TNRC6C: variants seen among roughly 807,000 people sequenced by gnomAD.
TNRC6C encodes the protein trinucleotide repeat containing adaptor 6C, also known as trinucleotide repeat-containing gene 6C protein.
A neutral mutation model predicts 153.7 loss-of-function variants in TNRC6C; 20 were observed. The observed-to-expected ratio is 0.13, with a 90% confidence interval of 0.09 to 0.19. TNRC6C has a LOEUF of 0.19. Among genes scored for constraint, TNRC6C ranks in the 10% least tolerant of loss-of-function variants. The pLI is 1.00. For synonymous variants in TNRC6C, 811 were observed against 841.4 expected, an observed-to-expected ratio of 0.96 and a Z score of 0.63; for missense variants, 1,987 against 2,172.0, an observed-to-expected ratio of 0.91 and a Z score of 1.69.
intron 11 of TNRC6C, among the ~76,000 whole-genome samples, chr17:78,084,643 G>A (rs1261242368): frequency 1.4e-5 from 2 of 140,306 alleles, no homozygotes. Context: ...TTTTTGAGAC[G>A]GCGTCTTGCT....
chr17:78,077,426 A>C, intron 9 of TNRC6C, 92 bp downstream of exon 11: 1 of 1,455,326 alleles, frequency 6.9e-7, no homozygotes, highest in Non-Finnish European at 9.3e-7. Context: ...ATTTATAGTT[A>C]ATACCTCTAT....
At chr17:78,092,663 T>C (rs1245444937) in intron 14 of TNRC6C, among the ~76,000 whole-genome samples, 1 of 152,120 alleles carries the variant, frequency 6.6e-6, no homozygotes, top group African/African-American at 2.4e-5. Context: ...GAGGATCGCT[T>C]GAGCCCAGGA....
intron 1 of TNRC6C, among the ~76,000 whole-genome samples, chr17:77,967,684 G>A (rs140555942): frequency 7.2e-5 from 11 of 152,280 alleles, no homozygotes; most frequent in Non-Finnish European, 1.2e-4. Context: ...AATGTGTGAC[G>A]CTTCTCATGC....
At chr17:78,087,371 G>C (rs2073314543) in intron 13 of TNRC6C, among the ~76,000 whole-genome samples, 1 of 152,148 alleles carries the variant, frequency 6.6e-6, no homozygotes, top group African/African-American at 2.4e-5. Flanking sequence ...TCCCACCTCA[G>C]CCTCTTAAAG....
At chr17:77,968,906 T>G (rs1364097551) in intron 1 of TNRC6C, among the ~76,000 whole-genome samples, 1 of 152,204 alleles carries the variant, frequency 6.6e-6, no homozygotes, top group Non-Finnish European at 1.5e-5. Context: ...CTCCTGAAAC[T>G]GCACTTGAGA....
At chr17:78,060,846 G>C (rs1411635028) in intron 3 of TNRC6C, among the ~76,000 whole-genome samples, 2 of 152,204 alleles carry the variant, frequency 1.3e-5, no homozygotes, top group Non-Finnish European at 2.9e-5. Flanking sequence ...TTATTTCATA[G>C]AGGAAAGAAT....
intron 1 of TNRC6C, among the ~76,000 whole-genome samples, chr17:77,972,989 T>A (rs964629870): frequency 1.3e-5 from 2 of 152,190 alleles, no homozygotes; most frequent in African/African-American, 2.4e-5. Context: ...CACCACAACC[T>A]CCGCCTCCCA....
In TNRC6C at chr17:77,971,004, G is replaced by GA. The variant is rs200122235; in HGVS notation, c.-38+11745dup. ...GGCATGGGTGATAGACCTTGTCTCA[G>GA]AAAAAAAAAGAAAGAAAAGAAAAAA... On this transcript the variant is annotated intron_variant, in intron 1 of 22. Transcript: ENST00000636222. Among the ~76,000 whole-genome samples, 495 of 148,970 alleles carry GA rather than the reference G, an allele frequency of 3.3e-3. 4 individuals are homozygous for GA. Among genetic ancestry groups the GA allele is most frequent in the African/African-American group, 0.011 (457 of 40,632 alleles).
chr17:78,034,352 C>A (rs1341802152), intron 2 of TNRC6C, among the ~76,000 whole-genome samples: 1 of 152,154 alleles, frequency 6.6e-6, no homozygotes, highest in Non-Finnish European at 1.5e-5. Flanking sequence ...CCACCACCCC[C>A]CAGCCTCCAT....
exon 3 of TNRC6C, chr17:78,051,209 C>A: frequency 6.4e-7 from 1 of 1,568,430 alleles, no homozygotes; most frequent in South Asian, 1.2e-5. Flanking sequence ...CCCTCTCCAC[C>A]GTCCATTCGC....
exon 3 of TNRC6C, chr17:78,050,731 G>A (rs1483126097): frequency 1.3e-6 from 2 of 1,588,354 alleles, no homozygotes; most frequent in African/African-American, 1.3e-5. Context: ...GAGTGGCCAT[G>A]CTTGGAGTGG....
At chr17:78,038,020 T>C (rs938258332) in intron 2 of TNRC6C, among the ~76,000 whole-genome samples, 3 of 152,148 alleles carry the variant, frequency 2.0e-5, no homozygotes, top group African/African-American at 4.8e-5. Context: ...TGCAGATCAC[T>C]GAGAAAATAG....
chr17:78,023,837 C>T (rs2071882402), intron 1 of TNRC6C, among the ~76,000 whole-genome samples: 1 of 152,030 alleles, frequency 6.6e-6, no homozygotes, highest in Admixed American at 6.6e-5. Context: ...TGGCCGGGCA[C>T]TGTGGCTCAT....
chr17:78,035,153 G>T (rs2072154845), intron 2 of TNRC6C, among the ~76,000 whole-genome samples: 1 of 152,112 alleles, frequency 6.6e-6, no homozygotes, highest in South Asian at 2.1e-4. Flanking sequence ...CCATTCCAAT[G>T]ACTTTGTTTG....
At chr17:78,106,621 A>T (rs2073702345) in exon 20 of TNRC6C, 1 of 151,964 alleles carries the variant, frequency 6.6e-6, no homozygotes, top group Non-Finnish European at 1.5e-5. Context: ...AATGTGTAGC[A>T]GTTACATATT....
chr17:78,001,157 T>C (rs1022460598), upstream of TNRC6C, among the ~76,000 whole-genome samples: 2 of 152,176 alleles, frequency 1.3e-5, no homozygotes, highest in African/African-American at 4.8e-5. Context: ...CTAAATTATT[T>C]GAGAATGAAA....
Position 78,075,709 on chromosome 17 carries a change from CAT to C in TNRC6C, c.3060+432_3060+433del. On this transcript the variant is annotated intron_variant, in intron 8 of 19. Transcript: ENST00000301624. The surrounding 1 kb of genome is among the most constrained non-coding windows in gnomAD (Gnocchi z 4.2). Reference sequence around the variant, plus strand: ...CTGGCTGGCCCTTGTCAGTTGGCCACATGAGTGACCACAGCTGGCATCTGTGG... The same window carrying C: ...CTGGCTGGCCCTTGTCAGTTGGCCACGAGTGACCACAGCTGGCATCTGTGG... Among the ~76,000 whole-genome samples the C allele has an allele frequency of 6.6e-6, 1 of 152,186 alleles. No individual in the cohort carries two copies. The highest frequency in any genetic ancestry group is 1.5e-5 in the Non-Finnish European group (1 of 68,032).
intron 1 of TNRC6C, among the ~76,000 whole-genome samples, chr17:77,976,093 G>A (rs1170279196): frequency 6.6e-6 from 1 of 152,132 alleles, no homozygotes; most frequent in African/African-American, 2.4e-5. Flanking sequence ...CAGGATTATT[G>A]TAAGAATTAA....
chr17:78,070,346 G>A (rs982042080), intron 5 of TNRC6C, among the ~76,000 whole-genome samples: 14 of 152,208 alleles, frequency 9.2e-5, no homozygotes, highest in African/African-American at 3.4e-4. Context: ...TGATATAGCT[G>A]TGGCAGGCTC....
Sources: gnomAD v4.1 joint callset for allele counts (sites outside exome capture counted in the v4.1 genomes callset) on GRCh38, gnomAD v4.1.1 for gene constraint, Gnocchi (gnomAD v3.1) non-coding constraint, MANE v1.5 for transcripts, NCBI Gene and HGNC (gene_info 2026-07-23, HGNC 2026-07-21) for gene names.